EPHA6: variants seen among roughly 807,000 people sequenced by gnomAD.
EPHA6 encodes EPH receptor A6, also known as ephrin type-A receptor 6.
EPHA6 carries 50 observed loss-of-function variants against 112.0 expected under a neutral mutation model. That is an observed-to-expected ratio of 0.45 (90% CI 0.36 to 0.56). The LOEUF (loss-of-function observed/expected upper bound fraction) is 0.56. Among genes scored for constraint, EPHA6 ranks in the 20% least tolerant of loss-of-function variants. The pLI is 0.00. For missense variants in EPHA6, 1,280 were observed against 1,417.4 expected (o/e 0.90, Z 1.56); for synonymous variants, 529 against 490.7 (o/e 1.08, Z -1.03).
At chr3:97,004,320 T>G (rs753027469) in intron 3 of EPHA6, among the ~76,000 whole-genome samples, 23 of 152,228 alleles carry the variant, frequency 1.5e-4, no homozygotes, top group Non-Finnish European at 5.9e-5. Flanking sequence ...TTCTTGACTT[T>G]TTAATAATCA....
chr3:96,882,768 G>GTGTA (rs774521290), intron 2 of EPHA6, among the ~76,000 whole-genome samples: 2,165 of 148,886 alleles, frequency 0.015, 104 homozygotes, highest in African/African-American at 0.045. Context: ...GTGTGTGTGT[G>GTGTA]TATAGTCAAT....
In EPHA6 at chr3:96,987,697, T is replaced by C; in HGVS notation, c.818T>C (p.Ile273Thr). ...LNTEIREVGP[I>T]ERKGFYLAFQ... The stretch of plus-strand genomic sequence containing the variant: ...ACTGAAATTCGTGAGGTGGGGCCTA[T>C]AGAAAGGAAAGGATTTTATCTGGCT... Residue 273 changes from isoleucine (I) to threonine (T), a missense_variant, in exon 3 of 18, where the codon ATA (isoleucine) becomes ACA (threonine). By Grantham distance (89) the Ile-to-Thr change is moderately conservative (BLOSUM62 -1). Around this residue, in one of 4 missense-constraint regions of EPHA6, gnomAD observed 878 missense variants for 999.7 expected, o/e 0.88. Transcript: ENST00000389672. 6.2e-7 allele frequency: 1 copy of C among 1,607,928 alleles called. No individual in the cohort carries two copies. The highest frequency in any genetic ancestry group is 1.7e-5 in the Admixed American group (1 of 59,640).
At chr3:97,154,360 C>A (rs1576583982) in intron 3 of EPHA6, among the ~76,000 whole-genome samples, 1 of 151,910 alleles carries the variant, frequency 6.6e-6, no homozygotes. Context: ...TTTAAATTGG[C>A]AAATAATAAT....
chr3:96,966,754 C>G (rs2042134551), intron 2 of EPHA6, among the ~76,000 whole-genome samples: 1 of 152,012 alleles, frequency 6.6e-6, no homozygotes, highest in African/African-American at 2.4e-5. Context: ...TATGCTCACA[C>G]AAGGAAAGTA....
At chr3:96,966,938 T>A (rs2042142732) in intron 2 of EPHA6, among the ~76,000 whole-genome samples, 1 of 152,026 alleles carries the variant, frequency 6.6e-6, no homozygotes, top group African/African-American at 2.4e-5. Flanking sequence ...TTCTTGCCTG[T>A]GGGAACCATA....
chr3:97,161,396 C>T (rs978768637), intron 3 of EPHA6, among the ~76,000 whole-genome samples: 3 of 152,156 alleles, frequency 2.0e-5, no homozygotes, highest in Non-Finnish European at 4.4e-5. Context: ...CTACCACTAC[C>T]GCTGACACTT....
intron 2 of EPHA6, among the ~76,000 whole-genome samples, chr3:96,980,901 G>C (rs1297189151): frequency 2.0e-5 from 3 of 152,266 alleles, no homozygotes; most frequent in East Asian, 3.9e-4. Context: ...CATTGATTTT[G>C]TATCCTGAGA....
intron 5 of EPHA6, among the ~76,000 whole-genome samples, chr3:97,250,309 GT>G (rs2079099362): frequency 6.6e-6 from 1 of 151,970 alleles, no homozygotes; most frequent in Non-Finnish European, 1.5e-5. Flanking sequence ...ATTTTTCTCC[GT>G]GATCATACAT....
intron 3 of EPHA6, among the ~76,000 whole-genome samples, chr3:97,154,359 GC>G (rs1447138626): frequency 4.6e-5 from 7 of 151,408 alleles, no homozygotes; most frequent in Non-Finnish European, 1.0e-4. Flanking sequence ...TTTTAAATTG[GC>G]AAATAATAAT....
chr3:97,054,847 T>A (rs1264329981), intron 3 of EPHA6, among the ~76,000 whole-genome samples: 2 of 152,110 alleles, frequency 1.3e-5, no homozygotes, highest in Non-Finnish European at 2.9e-5. Context: ...ATGGAGTGAT[T>A]ATCATGGGTA....
chr3:97,278,080 C>A (rs185913891), intron 5 of EPHA6, among the ~76,000 whole-genome samples: 143 of 152,276 alleles, frequency 9.4e-4, no homozygotes, highest in Admixed American at 1.7e-3. Context: ...TTGATAGATA[C>A]TTAAGTTGTT....
intron 14 of EPHA6, among the ~76,000 whole-genome samples, chr3:97,697,469 A>G (rs1019168430): frequency 6.6e-6 from 1 of 152,234 alleles, no homozygotes; most frequent in African/African-American, 2.4e-5. Flanking sequence ...TATGGCTTCT[A>G]GGAACAAGTG....
chr3:97,561,428 T>A (rs2093190406), intron 11 of EPHA6, among the ~76,000 whole-genome samples: 1 of 152,030 alleles, frequency 6.6e-6, no homozygotes, highest in South Asian at 2.1e-4. Context: ...GGGATAAAGT[T>A]TTAGTGGTCT....
At chr3:97,631,337 G>A (rs2107535197) in intron 13 of EPHA6, among the ~76,000 whole-genome samples, 1 of 151,994 alleles carries the variant, frequency 6.6e-6, no homozygotes, top group South Asian at 2.1e-4. Context: ...CACAAAAATG[G>A]GAACGAGAGG....
chr3:97,420,363 G>GA (rs1475388642), intron 6 of EPHA6, among the ~76,000 whole-genome samples: 31 of 150,954 alleles, frequency 2.1e-4, no homozygotes, highest in African/African-American at 7.3e-4. Flanking sequence ...GAAAAATGAA[G>GA]ATATAGTAAC....
intron 14 of EPHA6, among the ~76,000 whole-genome samples, chr3:97,642,837 G>A (rs1277427882): frequency 6.6e-6 from 1 of 150,642 alleles, no homozygotes; most frequent in Non-Finnish European, 1.5e-5. Flanking sequence ...AAGTGTTGGG[G>A]AGAATGGAAC....
intron 5 of EPHA6, among the ~76,000 whole-genome samples, chr3:97,275,061 C>T (rs1243261796): frequency 1.3e-5 from 2 of 152,198 alleles, no homozygotes; most frequent in African/African-American, 4.8e-5. Flanking sequence ...CCGGCAGCCG[C>T]TGAACGCAAA....
Position 97,394,840 on chromosome 3 carries a change from G to A in EPHA6, c.1607-10310G>A, listed in dbSNP as rs571127449. 3.6e-4 allele frequency among the ~76,000 whole-genome samples: 54 copies of A among 151,786 alleles called. No homozygotes were observed. The South Asian group carries it at 9.1e-3, about 26-fold the overall frequency. ...GCACTGTTGTTGGGAATGTAAATTA[G>A]TACAGCCATTATGGAAAGCTGTATG... On this transcript the variant is annotated intron_variant, in intron 5 of 17. Coordinates refer to ENST00000389672, the MANE Select transcript of EPHA6 (RefSeq NM_001080448.3).
chr3:97,723,002 G>A (rs963068405), intron 15 of EPHA6, among the ~76,000 whole-genome samples: 2 of 152,106 alleles, frequency 1.3e-5, no homozygotes, highest in Non-Finnish European at 2.9e-5. Flanking sequence ...AGAAAGGGGT[G>A]AGATGATTTT....
Sources: allele counts gnomAD v4.1 joint callset (sites outside exome capture counted in the v4.1 genomes callset), GRCh38; gene constraint gnomAD v4.1.1; regional missense constraint gnomAD v4.1.1; transcripts MANE v1.5; gene names NCBI Gene and HGNC (gene_info 2026-07-23, HGNC 2026-07-21).